The following ITPK1 variants were observed in gnomAD, a reference collection of about 807,000 sequenced individuals.
ITPK1 encodes inositol-tetrakisphosphate 1-kinase, also known as inositol 1,3,4-trisphosphate 5/6-kinase.
A neutral mutation model predicts 45.3 loss-of-function variants in ITPK1; 21 were observed. The ratio of observed to expected loss-of-function variants is 0.46; its 90% CI spans 0.33 to 0.67. ITPK1 has a LOEUF of 0.67. Among genes scored for constraint, ITPK1 ranks in the 30% least tolerant of loss-of-function variants. The probability of loss-of-function intolerance (pLI) is 0.02; values close to 1 mark genes in which losing one functional copy is unlikely to be tolerated. For synonymous variants in ITPK1, 258 were observed against 253.6 expected (o/e 1.02, Z -0.16); for missense variants, 474 against 573.5 (o/e 0.83, Z 1.77).
chr14:93,108,325 T>C (rs1418461706), intron 2 of ITPK1, among the ~76,000 whole-genome samples: 5 of 152,238 alleles, frequency 3.3e-5, no homozygotes, highest in African/African-American at 9.6e-5. Flanking sequence ...TCCAGCTGAA[T>C]TCAAAATGAG....
At position 92,937,434 on chromosome 14, in the gene ITPK1, C is replaced by T. The variant is rs1887176544; in HGVS notation, c.*4127G>A. 1 of 152,068 alleles carries T rather than the reference C, an allele frequency of 6.6e-6. No homozygotes were observed. Among genetic ancestry groups the T allele is most frequent in the South Asian group, 2.1e-4 (1 of 4,826 alleles). 9.4% of individuals were successfully genotyped at this position (152,068 alleles called of 1,614,324 possible). A position where few individuals can be genotyped will look rare whatever the true frequency, so the allele number is the denominator to read the frequency against. ...AGGCTGCAGGAGGGGACAGTCCCTC[C>T]ACACCACCAGGTCACAGATGACTCT... On this transcript the variant is annotated 3_prime_UTR_variant, in exon 11 of 11. Coordinates refer to ENST00000267615, the MANE Select transcript of ITPK1 (RefSeq NM_014216.6).
intron 9 of ITPK1, 96 bp downstream of exon 9, chr14:92,951,850 G>T: frequency 2.1e-6 from 2 of 957,106 alleles, no homozygotes; most frequent in Non-Finnish European, 3.3e-6. Flanking sequence ...CTACCCTGCT[G>T]GAGAGCTTGG....
intron 4 of ITPK1, among the ~76,000 whole-genome samples, chr14:93,010,020 C>A (rs970862035): frequency 1.3e-5 from 2 of 152,144 alleles, no homozygotes; most frequent in African/African-American, 4.8e-5. Flanking sequence ...GAGATGGGGA[C>A]CAAAGACATA....
chr14:93,111,710 CAAA>C (rs34085009), intron 2 of ITPK1, among the ~76,000 whole-genome samples: 1 of 76,740 alleles, frequency 1.3e-5, no homozygotes, highest in Non-Finnish European at 2.6e-5. Context: ...GACTCCACCT[CAAA>C]AAAAAAAAAA....
intron 5 of ITPK1, among the ~76,000 whole-genome samples, chr14:92,970,621 T>G (rs141559256): frequency 6.6e-6 from 1 of 151,352 alleles, no homozygotes; most frequent in East Asian, 2.0e-4. Flanking sequence ...CAGCAGGATC[T>G]AAGTTCTCGC....
At chr14:93,087,924 G>A (rs1482698635) in intron 2 of ITPK1, among the ~76,000 whole-genome samples, 1 of 152,226 alleles carries the variant, frequency 6.6e-6, no homozygotes, top group Non-Finnish European at 1.5e-5. Context: ...AAGGGATGTG[G>A]GGGAACTGGG....
At chr14:93,097,435 A>G (rs1892124128) in intron 2 of ITPK1, among the ~76,000 whole-genome samples, 1 of 152,202 alleles carries the variant, frequency 6.6e-6, no homozygotes, top group Non-Finnish European at 1.5e-5. Context: ...GCCTTCGGTT[A>G]GCCAAAGGTC....
rs1889101319 is a variant in ITPK1, at chr14:93,032,276, G to C, written c.121-15475C>G. Among the ~76,000 whole-genome samples the C allele has an allele frequency of 1.3e-5, 2 of 152,164 alleles. No individual in the cohort carries two copies. Among genetic ancestry groups the C allele is most frequent in the Admixed American group, 6.5e-5 (1 of 15,268 alleles). On this transcript the variant is annotated intron_variant, in intron 3 of 10. Coordinates refer to ENST00000267615, the MANE Select transcript of ITPK1 (RefSeq NM_014216.6). This position sits in a 1 kb window ranked among gnomAD's most constrained non-coding sequence, Gnocchi z 4.0. Reference sequence around the variant, plus strand: ...GAGGCAGGAGAATCACTTGAACCCAGGAGGCGGAGGTTGCAGTGAGCCGAG... The same window carrying C: ...GAGGCAGGAGAATCACTTGAACCCACGAGGCGGAGGTTGCAGTGAGCCGAG...
intron 3 of ITPK1, among the ~76,000 whole-genome samples, chr14:93,072,785 T>TG (rs1374495295): frequency 2.0e-5 from 3 of 152,076 alleles, no homozygotes; most frequent in African/African-American, 7.2e-5. Flanking sequence ...TATTTGTGGT[T>TG]GGGGGGGAAC....
In ITPK1 at chr14:93,078,603, G is replaced by A. The variant is rs140331610; in HGVS notation, c.96-1984C>T. The stretch of plus-strand genomic sequence containing the variant: ...GTGGCCAATATCCATCTGCTTCCAC[G>A]GTTTCATGAGGGACAGGGGAGATAC... On this transcript the variant is annotated intron_variant, in intron 2 of 10. Transcript: ENST00000267615. Among the ~76,000 whole-genome samples, 190 of 152,226 alleles carry A rather than the reference G, an allele frequency of 1.2e-3. 2 individuals are homozygous for A. The highest frequency in any genetic ancestry group is 4.2e-3 in the African/African-American group (175 of 41,516).
chr14:93,037,877 G>A (rs1889386496), intron 3 of ITPK1, among the ~76,000 whole-genome samples: 1 of 152,136 alleles, frequency 6.6e-6, no homozygotes, highest in African/African-American at 2.4e-5. Context: ...TATTTACTCA[G>A]GGATCGAAAA....
At chr14:93,087,717 G>A (rs1891703931) in intron 2 of ITPK1, among the ~76,000 whole-genome samples, 2 of 152,208 alleles carry the variant, frequency 1.3e-5, no homozygotes, top group South Asian at 4.1e-4. Context: ...ACATCGCCTG[G>A]AAGCATTCAT....
intron 3 of ITPK1, among the ~76,000 whole-genome samples, chr14:93,064,330 G>A (rs913704982): frequency 7.2e-5 from 11 of 152,126 alleles, no homozygotes; most frequent in African/African-American, 1.7e-4. Flanking sequence ...TCACTATGTC[G>A]CCCAGGCTGG....
At chr14:93,082,628 T>C (rs1891482753) in intron 2 of ITPK1, among the ~76,000 whole-genome samples, 1 of 152,108 alleles carries the variant, frequency 6.6e-6, no homozygotes, top group Non-Finnish European at 1.5e-5. Flanking sequence ...CAGAACTGCC[T>C]CCTCCAGTCC....
intron 5 of ITPK1, 51 bp from the exon 6 acceptor site, chr14:92,962,900 G>A (rs756140902): frequency 1.0e-5 from 14 of 1,349,456 alleles, no homozygotes; most frequent in Non-Finnish European, 1.4e-5. Flanking sequence ...AGCCGCCCCA[G>A]GTGCACGTCC....
chr14:92,976,580 T>A (rs573344344), intron 5 of ITPK1, among the ~76,000 whole-genome samples: 1 of 152,384 alleles, frequency 6.6e-6, no homozygotes, highest in East Asian at 1.9e-4. Context: ...AGAGATGACA[T>A]GTGTTGGGCA....
intron 4 of ITPK1, among the ~76,000 whole-genome samples, chr14:93,000,752 G>A (rs1447739283): frequency 6.6e-6 from 1 of 152,102 alleles, no homozygotes; most frequent in Non-Finnish European, 1.5e-5. Flanking sequence ...TGAGGCAGGT[G>A]GATCACCTGA....
chr14:92,964,345 C>T (rs980457495), intron 5 of ITPK1, among the ~76,000 whole-genome samples: 1 of 152,104 alleles, frequency 6.6e-6, no homozygotes, highest in African/African-American at 2.4e-5. Context: ...AACGGCAGAG[C>T]CAGGACAAGG....
intron 6 of ITPK1, 57 bp from the exon 7 acceptor site, chr14:92,962,452 G>C (rs1885126575): frequency 8.4e-7 from 1 of 1,183,826 alleles, no homozygotes; most frequent in African/African-American, 1.5e-5. Flanking sequence ...CACCCACAAG[G>C]CAGGTACTTG....
Sources: allele counts gnomAD v4.1 joint callset (sites outside exome capture counted in the v4.1 genomes callset), GRCh38; gene constraint gnomAD v4.1.1; non-coding constraint Gnocchi (gnomAD v3.1); transcripts MANE v1.5; gene names NCBI Gene and HGNC (gene_info 2026-07-23, HGNC 2026-07-21).